Variants in HS3ST4 observed in about 807,000 individuals in gnomAD.
HS3ST4 encodes heparan sulfate-glucosamine 3-sulfotransferase 4.
Under a neutral mutation model 29.2 loss-of-function variants are expected in HS3ST4, and 17 were observed. The ratio of observed to expected loss-of-function variants is 0.58; its 90% confidence interval spans 0.40 to 0.87. The LOEUF is 0.87. Ranked by LOEUF, HS3ST4 falls within the 40% of genes least tolerant of loss-of-function variation. HS3ST4 has a pLI of 0.00. For missense variants in HS3ST4, 627 were observed against 634.5 expected (o/e 0.99, Z 0.13); for synonymous variants, 314 against 285.7 (o/e 1.10, Z -1.00).
Position 26,114,991 on chromosome 16 carries a change from T to C in HS3ST4, c.735-20621T>C, listed in dbSNP as rs151030479. ...AACTAAAGGACTCTCTCTAGGAGAATAGCTAAATATAAATGGCAATGGTTT... is the reference window on the plus strand; with the variant it reads ...AACTAAAGGACTCTCTCTAGGAGAACAGCTAAATATAAATGGCAATGGTTT... On this transcript the variant is annotated intron_variant, in intron 1 of 1. Coordinates refer to ENST00000331351, the MANE Select transcript of HS3ST4 (RefSeq NM_006040.3). 2.8e-3 allele frequency among the ~76,000 whole-genome samples: 432 copies of C among 152,206 alleles called. 1 individual carries two copies. The highest frequency in any genetic ancestry group is 9.9e-3 in the African/African-American group (412 of 41,544).
In HS3ST4 at chr16:25,731,018, C is replaced by T. The variant is rs201577927; in HGVS notation, c.734+37867C>T. Among the ~76,000 whole-genome samples the T allele has an allele frequency of 2.0e-5, 3 of 152,170 alleles. No individual in the cohort carries two copies. The East Asian group carries it at 5.8e-4, about 29-fold the overall frequency. Reference sequence around the variant, plus strand: ...GAAACCAGACATGAGCTTCCAGGTGCCCTCCCCCAGCCAACTCACCTAGGC... The same window carrying T: ...GAAACCAGACATGAGCTTCCAGGTGTCCTCCCCCAGCCAACTCACCTAGGC... On this transcript the variant is annotated intron_variant, in intron 1 of 1. Coordinates refer to ENST00000331351, the MANE Select transcript of HS3ST4 (RefSeq NM_006040.3).
chr16:25,837,947 C>T (rs938793798), intron 1 of HS3ST4, among the ~76,000 whole-genome samples: 7 of 152,128 alleles, frequency 4.6e-5, no homozygotes, highest in Non-Finnish European at 8.8e-5. Flanking sequence ...CCACTTCCCC[C>T]TCTTGTAGTC....
intron 1 of HS3ST4, among the ~76,000 whole-genome samples, chr16:25,873,452 AT>A (rs1967785132): frequency 1.3e-5 from 2 of 149,782 alleles, no homozygotes; most frequent in East Asian, 3.9e-4. Context: ...CCATCCACCC[AT>A]CCATTTACCC....
intron 1 of HS3ST4, among the ~76,000 whole-genome samples, chr16:26,052,150 C>G (rs147590362): frequency 6.6e-6 from 1 of 152,204 alleles, no homozygotes; most frequent in East Asian, 1.9e-4. Context: ...AAGGAAGGAA[C>G]ACTGCTCAGA....
chr16:25,804,355 A>G (rs766477300), intron 1 of HS3ST4, among the ~76,000 whole-genome samples: 1 of 152,146 alleles, frequency 6.6e-6, no homozygotes, highest in Non-Finnish European at 1.5e-5. Flanking sequence ...AGGTGATGAA[A>G]TTTCCCGTAT....
At chr16:26,104,630 A>G (rs1311170125) in intron 1 of HS3ST4, among the ~76,000 whole-genome samples, 5 of 152,172 alleles carry the variant, frequency 3.3e-5, no homozygotes, top group Non-Finnish European at 7.4e-5. Context: ...TATTCAATGT[A>G]TATCTCCCAA....
chr16:25,762,301 C>T (rs1055769314), intron 1 of HS3ST4, among the ~76,000 whole-genome samples: 2 of 152,122 alleles, frequency 1.3e-5, no homozygotes, highest in Non-Finnish European at 2.9e-5. Context: ...AGGATTTGAA[C>T]GTGGGTCAGT....
intron 1 of HS3ST4, among the ~76,000 whole-genome samples, chr16:25,860,951 G>A (rs772468889): frequency 6.6e-6 from 1 of 152,130 alleles, no homozygotes; most frequent in Non-Finnish European, 1.5e-5. Context: ...AATGAGGGAG[G>A]CTGTATGTGG....
intron 1 of HS3ST4, among the ~76,000 whole-genome samples, chr16:25,890,134 C>A (rs747553854): frequency 1.3e-5 from 2 of 152,132 alleles, no homozygotes; most frequent in African/African-American, 2.4e-5. Context: ...TGAGATGAAT[C>A]CTATTATTAT....
intron 1 of HS3ST4, among the ~76,000 whole-genome samples, chr16:25,977,079 G>A (rs944950902): frequency 2.0e-5 from 3 of 152,174 alleles, no homozygotes; most frequent in Non-Finnish European, 4.4e-5. Context: ...GAAGATATTT[G>A]TAAGTAAGTT....
intron 1 of HS3ST4, among the ~76,000 whole-genome samples, chr16:26,065,708 T>C (rs1898534250): frequency 6.6e-6 from 1 of 152,092 alleles, no homozygotes; most frequent in Admixed American, 6.5e-5. Context: ...AAGTAAGAGA[T>C]AAAGAGGGAG....
At chr16:26,047,876 A>C (rs770397523) in intron 1 of HS3ST4, among the ~76,000 whole-genome samples, 30 of 152,170 alleles carry the variant, frequency 2.0e-4, no homozygotes, top group Non-Finnish European at 3.4e-4. Context: ...GGATTTGGGC[A>C]AAAGTGGAAT....
chr16:25,957,665 C>T (rs749499357), intron 1 of HS3ST4, among the ~76,000 whole-genome samples: 10 of 152,150 alleles, frequency 6.6e-5, no homozygotes, highest in Admixed American at 1.3e-4. Flanking sequence ...GTGATCTGCC[C>T]GCCTCGGCCT....
rs534432968 is a variant in HS3ST4, at chr16:26,066,354, A to G, written c.735-69258A>G. On this transcript the variant is annotated intron_variant, in intron 1 of 1. Coordinates refer to ENST00000331351, the MANE Select transcript of HS3ST4 (RefSeq NM_006040.3). ...TTTGTAAAGAGGTGGGAGGAACGGT[A>G]TTCTCTCGCAAGAGAGATGGAACAT... Among the ~76,000 whole-genome samples the G allele has an allele frequency of 3.3e-5, 5 of 152,372 alleles. No individual in the cohort carries two copies. The South Asian group carries it at 1.0e-3, about 32-fold the overall frequency.
chr16:25,988,707 C>T (rs1007053049), intron 1 of HS3ST4, among the ~76,000 whole-genome samples: 20 of 151,832 alleles, frequency 1.3e-4, no homozygotes, highest in African/African-American at 2.9e-4. Context: ...TGGGGACCGT[C>T]GGAGAGTGGA....
intron 1 of HS3ST4, among the ~76,000 whole-genome samples, chr16:26,043,675 G>C (rs1898232305): frequency 6.6e-6 from 1 of 152,188 alleles, no homozygotes; most frequent in South Asian, 2.1e-4. Context: ...GAGACTCTCT[G>C]AAACACGCGC....
intron 1 of HS3ST4, among the ~76,000 whole-genome samples, chr16:25,976,457 C>T (rs951957259): frequency 2.6e-5 from 4 of 152,134 alleles, no homozygotes; most frequent in African/African-American, 9.7e-5. Context: ...AGATGCGTAC[C>T]ACCATGCCCA....
intron 1 of HS3ST4, chr16:26,062,892 A>T: frequency 4.1e-6 from 1 of 241,962 alleles, no homozygotes; most frequent in Non-Finnish European, 8.5e-6. Flanking sequence ...AAAGTTGGAG[A>T]AGAACTTTAT....
At chr16:26,019,025 C>T (rs763955314) in intron 1 of HS3ST4, among the ~76,000 whole-genome samples, 3 of 152,156 alleles carry the variant, frequency 2.0e-5, no homozygotes, top group Non-Finnish European at 2.9e-5. Context: ...ACTCTGTTAC[C>T]TCTAATTTCC....
Sources: allele counts gnomAD v4.1 joint callset (sites outside exome capture counted in the v4.1 genomes callset), GRCh38; gene constraint gnomAD v4.1.1; transcripts MANE v1.5; gene names NCBI Gene and HGNC (gene_info 2026-07-23, HGNC 2026-07-21).